Variants in ZCWPW1 observed in about 807,000 individuals in gnomAD.
The protein encoded by ZCWPW1 is zinc finger CW-type and PWWP domain containing 1.
A neutral mutation model predicts 81.3 loss-of-function variants in ZCWPW1; 56 were observed. The observed-to-expected ratio is 0.69, with a 90% CI of 0.56 to 0.86. ZCWPW1 has a LOEUF of 0.86. Among genes scored for constraint, ZCWPW1 ranks in the 40% least tolerant of loss-of-function variants. The pLI is 0.00. For missense variants in ZCWPW1, 650 were observed against 769.8 expected (o/e 0.84, Z 1.84); for synonymous variants, 250 against 273.7 (o/e 0.91, Z 0.86).
At chr7:100,412,604 C>T (rs1027184789) in intron 8 of ZCWPW1, among the ~76,000 whole-genome samples, 6 of 151,630 alleles carry the variant, frequency 4.0e-5, no homozygotes, top group African/African-American at 9.7e-5. Context: ...TTTTTTGAGA[C>T]GGAGTCTCGC....
intron 1 of ZCWPW1, among the ~76,000 whole-genome samples, chr7:100,427,529 G>A (rs1264902913): frequency 2.0e-5 from 3 of 151,778 alleles, no homozygotes; most frequent in East Asian, 2.0e-4. Flanking sequence ...GAGAAACCCC[G>A]TCTCTACTAA....
At chr7:100,412,827 C>A (rs960421753) in intron 8 of ZCWPW1, among the ~76,000 whole-genome samples, 1 of 152,142 alleles carries the variant, frequency 6.6e-6, no homozygotes, top group African/African-American at 2.4e-5. Flanking sequence ...GTGATCCACC[C>A]GCCTCGGCCT....
Position 100,401,154 on chromosome 7 carries a change from G to A in ZCWPW1, c.1810C>T (p.Pro604Ser), listed in dbSNP as rs1791791410. Residue 604 changes from proline to serine, a missense_variant, in exon 18 of 18, where the codon CCC becomes TCC. Transcript: ENST00000684423. ...EPLTQEAGSVPLEDEASSDLD... is the reference protein window; with the variant it reads ...EPLTQEAGSVSLEDEASSDLD... Reference sequence around the variant, plus strand: ...TCACTGGAGGCTTCGTCCTCAAGGGGGACACTTCCAGCCTCCTGGGTCAGG... The same window carrying A: ...TCACTGGAGGCTTCGTCCTCAAGGGAGACACTTCCAGCCTCCTGGGTCAGG... 6.2e-7 allele frequency: 1 copy of A among 1,614,222 alleles called. No homozygotes were observed. The highest frequency in any genetic ancestry group is 1.3e-5 in the African/African-American group (1 of 75,056).
At chr7:100,413,881 G>T (rs1298612152) in intron 8 of ZCWPW1, among the ~76,000 whole-genome samples, 1 of 152,032 alleles carries the variant, frequency 6.6e-6, no homozygotes, top group East Asian at 1.9e-4. Context: ...ACTGCGCCAG[G>T]CCTCTTACAG....
At chr7:100,409,622 C>T (rs1793780079) in intron 8 of ZCWPW1, 78 bp from the exon 9 acceptor site, 2 of 994,750 alleles carry the variant, frequency 2.0e-6, no homozygotes, top group Admixed American at 4.1e-5. Flanking sequence ...TCAGGATAAC[C>T]CTCCCAACTC....
At chr7:100,407,129 TGCTG>T (rs746458994) in intron 11 of ZCWPW1, 95 bp downstream of exon 11, 13 of 1,115,298 alleles carry the variant, frequency 1.2e-5, no homozygotes, top group Non-Finnish European at 1.7e-5. Context: ...CACTTGTGTC[TGCTG>T]GCTATGTCCA....
chr7:100,408,799 G>C (rs780577303), intron 9 of ZCWPW1, 140 bp from the exon 10 acceptor site: 1 of 995,972 alleles, frequency 1.0e-6, no homozygotes, highest in African/African-American at 1.6e-5. Flanking sequence ...GATCAGCACA[G>C]AGGAAGAATA....
At chr7:100,420,767 C>G in intron 2 of ZCWPW1, 89 bp from the exon 3 acceptor site, 2 of 1,293,898 alleles carry the variant, frequency 1.5e-6, no homozygotes, top group Non-Finnish European at 2.2e-6. Flanking sequence ...CTCTTTGTTT[C>G]AGACCTCTGA....
intron 17 of ZCWPW1, 21 bp downstream of exon 17, chr7:100,401,868 T>C: frequency 6.3e-7 from 1 of 1,587,284 alleles, no homozygotes; most frequent in Non-Finnish European, 8.6e-7. Flanking sequence ...CCCTTAGTTT[T>C]TCCCAGGCCT....
chr7:100,420,295 C>T (rs1796113819), intron 3 of ZCWPW1, among the ~76,000 whole-genome samples: 1 of 152,166 alleles, frequency 6.6e-6, no homozygotes, highest in South Asian at 2.1e-4. Flanking sequence ...AGCTCTTATG[C>T]CACCTCCTCA....
Position 100,419,664 on chromosome 7 carries a change from G to C in ZCWPW1, c.248C>G (p.Ala83Gly). The C allele has an allele frequency of 6.2e-7, 1 of 1,612,518 alleles. No homozygotes were observed. The highest frequency in any genetic ancestry group is 1.7e-5 in the Admixed American group (1 of 59,532). Residue 83 changes from alanine to glycine, a missense_variant, in exon 4 of 18, where the codon GCA becomes GGA. By Grantham distance (60) the Ala-to-Gly change is moderately conservative (BLOSUM62 0). Transcript: ENST00000684423. ...PSREQEKKRK[A>G]QINKQAEKKE... The stretch of plus-strand genomic sequence containing the variant: ...CTTCTCTGCTTGCTTGTTGATTTGT[G>C]CCTTTCTTTTTTTCTCCTGTTCCCT...
Position 100,417,082 on chromosome 7 carries a change from T to G in ZCWPW1, c.463A>C (p.Thr155Pro), listed in dbSNP as rs777061385. 1 of 1,613,968 alleles carries G rather than the reference T, an allele frequency of 6.2e-7. No individual in the cohort carries two copies. The highest frequency in any genetic ancestry group is 8.5e-7 in the Non-Finnish European group (1 of 1,179,848). ...EPGITASATD[T>P]DNANGEEVPH... ...TAAACTTACCCATTAGCATTATCAG[T>G]ATCAGTAGCAGAAGCAGTAATTCCT... Residue 155 changes from threonine (T) to proline (P), a missense_variant, in exon 6 of 18, where the codon ACT becomes CCT. By Grantham distance (38) the Thr-to-Pro change is conservative. Transcript: ENST00000684423.
intron 13 of ZCWPW1, 132 bp downstream of exon 13, chr7:100,404,881 A>G (rs1792659602): frequency 2.5e-6 from 2 of 809,194 alleles, no homozygotes; most frequent in Non-Finnish European, 3.7e-6. Context: ...TAGGGCACTT[A>G]TATCTGAAAC....
intron 5 of ZCWPW1, chr7:100,417,404 AATG>A (rs1795482475): frequency 2.1e-6 from 1 of 480,432 alleles, no homozygotes; most frequent in Non-Finnish European, 3.7e-6. Flanking sequence ...ATGGCCAGGT[AATG>A]ATAATTTTGT....
At chr7:100,412,544 CTT>C (rs1794381942) in intron 8 of ZCWPW1, among the ~76,000 whole-genome samples, 1 of 151,994 alleles carries the variant, frequency 6.6e-6, no homozygotes. Context: ...CCACTTTTCT[CTT>C]TCTCTATTTT....
intron 6 of ZCWPW1, 41 bp from the exon 7 acceptor site, chr7:100,416,497 G>C (rs1795244847): frequency 1.9e-6 from 3 of 1,602,638 alleles, no homozygotes; most frequent in Non-Finnish European, 1.7e-6. Flanking sequence ...TAAAAATAGA[G>C]CAATTGCAGA....
Position 100,407,215 on chromosome 7 carries a change from C to T in ZCWPW1, c.1068+13G>A, listed in dbSNP as rs1216310463. Reference sequence around the variant, plus strand: ...GGCCTGAGCTCCTTCTTACCCTGAACCAGGAAACTCACCGGCAGGGAATCA... The same window carrying T: ...GGCCTGAGCTCCTTCTTACCCTGAATCAGGAAACTCACCGGCAGGGAATCA... On this transcript the variant is annotated intron_variant, in intron 11 of 17. Transcript: ENST00000684423. 3 of 1,613,410 alleles carry T rather than the reference C, an allele frequency of 1.9e-6. No homozygotes were observed. In the South Asian group the frequency reaches 3.3e-5, roughly 18 times the overall value.
chr7:100,403,548 G>A (rs1792366506), intron 15 of ZCWPW1, 146 bp downstream of exon 15: 11 of 573,624 alleles, frequency 1.9e-5, no homozygotes, highest in Non-Finnish European at 2.9e-5. Flanking sequence ...TGTTGGCCAG[G>A]TGTGGTGGCT....
At chr7:100,404,799 GT>G (rs1792638560) in intron 13 of ZCWPW1, among the ~76,000 whole-genome samples, 1 of 152,110 alleles carries the variant, frequency 6.6e-6, no homozygotes, top group African/African-American at 2.4e-5. Context: ...AATTTTCACT[GT>G]TTTTTACTCT....
Sources: allele counts gnomAD v4.1 joint callset (sites outside exome capture counted in the v4.1 genomes callset), GRCh38; gene constraint gnomAD v4.1.1; transcripts MANE v1.5; gene names NCBI Gene and HGNC (gene_info 2026-07-23, HGNC 2026-07-21).